Variants in AFF1 observed in about 807,000 individuals in gnomAD.
AFF1 encodes ALF transcription elongation factor 1.
A neutral mutation model predicts 121.7 loss-of-function variants in AFF1; 48 were observed. The ratio of observed to expected loss-of-function variants is 0.39; its 90% CI spans 0.31 to 0.50. AFF1 has a LOEUF of 0.50. Among genes scored for constraint, AFF1 ranks in the 20% least tolerant of loss-of-function variants. AFF1 has a pLI of 0.76. For missense variants in AFF1, 1,523 were observed against 1,511.7 expected, an observed-to-expected ratio of 1.01 and a Z score of -0.12; for synonymous variants, 613 against 563.0, an observed-to-expected ratio of 1.09 and a Z score of -1.26.
At chr4:87,126,466 T>C (rs1728259577) in intron 14 of AFF1, 130 bp downstream of exon 14, 11 of 805,362 alleles carry the variant, frequency 1.4e-5, no homozygotes, top group Non-Finnish European at 1.6e-5. Context: ...ACTGTTTGTG[T>C]TTAAAATGCT....
chr4:86,996,112 G>T (rs1292174033), intron 2 of AFF1, among the ~76,000 whole-genome samples: 1 of 150,180 alleles, frequency 6.7e-6, no homozygotes, highest in Non-Finnish European at 1.5e-5. Context: ...GGGGGGTCAG[G>T]CCCCCGCCCG....
rs575902660 is a variant in AFF1 at position 87,059,019 on chromosome 4, G to A, written c.1059+11425G>A. Among the ~76,000 whole-genome samples the A allele has an allele frequency of 1.7e-3, 262 of 152,212 alleles. 1 individual carries two copies. Among genetic ancestry groups the A allele is most frequent in the Non-Finnish European group, 3.2e-3 (220 of 68,006 alleles). ...TGTCTGGGTTTTCTTCTACCTTTTT[G>A]TACGTGCCTTAATCTCCTTTGGAGG... On this transcript the variant is annotated intron_variant, in intron 4 of 20. Transcript: ENST00000395146.
chr4:86,942,068 A>G (rs1404973515), intron 1 of AFF1, among the ~76,000 whole-genome samples: 1 of 152,184 alleles, frequency 6.6e-6, no homozygotes, highest in Non-Finnish European at 1.5e-5. Context: ...TAAGTGCTAC[A>G]TAAATGTTTG....
At chr4:87,132,462 A>G in intron 19 of AFF1, 54 bp downstream of exon 19, 1 of 1,537,460 alleles carries the variant, frequency 6.5e-7, no homozygotes, top group South Asian at 1.3e-5. Context: ...TTCTTTATTT[A>G]CTTCTTGCTT....
chr4:86,992,730 ACT>A (rs1724823821), intron 2 of AFF1, among the ~76,000 whole-genome samples: 2 of 152,072 alleles, frequency 1.3e-5, no homozygotes, highest in Non-Finnish European at 1.5e-5. Flanking sequence ...AACCTGAAAA[ACT>A]CTGTTGCTAT....
chr4:87,026,803 C>A (rs1247281766), intron 2 of AFF1, among the ~76,000 whole-genome samples: 2 of 152,078 alleles, frequency 1.3e-5, no homozygotes, highest in African/African-American at 4.8e-5. Flanking sequence ...ATGTAAAATG[C>A]TTTTCTAAAA....
chr4:86,963,302 A>G (rs1722281976), intron 2 of AFF1, among the ~76,000 whole-genome samples: 1 of 152,054 alleles, frequency 6.6e-6, no homozygotes, highest in Admixed American at 6.6e-5. Flanking sequence ...TTGATCTTGA[A>G]TGGAAGTTCT....
intron 1 of AFF1, among the ~76,000 whole-genome samples, chr4:86,947,413 A>G (rs949471184): frequency 6.6e-6 from 1 of 152,214 alleles, no homozygotes; most frequent in Non-Finnish European, 1.5e-5. Context: ...AGAGCTGTGA[A>G]GGACTATATT....
intron 2 of AFF1, among the ~76,000 whole-genome samples, chr4:86,976,892 AATG>A (rs1254194961): frequency 2.6e-5 from 4 of 152,206 alleles, no homozygotes; most frequent in Non-Finnish European, 4.4e-5. Context: ...GTAACACTGA[AATG>A]ATGATAGCAC....
chr4:86,958,708 A>ACT (rs1254151751), intron 2 of AFF1, among the ~76,000 whole-genome samples: 2 of 151,948 alleles, frequency 1.3e-5, no homozygotes, highest in African/African-American at 2.4e-5. Flanking sequence ...ACAGAGTAAG[A>ACT]CTCTCTCAAA....
intron 5 of AFF1, among the ~76,000 whole-genome samples, chr4:87,084,620 G>C (rs1236869635): frequency 6.6e-6 from 1 of 151,682 alleles, no homozygotes; most frequent in Non-Finnish European, 1.5e-5. Flanking sequence ...AAGAACAGTT[G>C]TTGTTCCCAA....
Position 86,971,458 on chromosome 4 carries a change from C to T in AFF1, c.38+22887C>T, listed in dbSNP as rs1484080698. On this transcript the variant is annotated intron_variant, in intron 2 of 20. Coordinates refer to ENST00000395146, the MANE Select transcript of AFF1 (RefSeq NM_001166693.3). ...TTCCATAACAAGGTGGGAATGCACC[C>T]ATACATTTGGTCCTTGTGTTGCTAG... Among the ~76,000 whole-genome samples the T allele has an allele frequency of 2.6e-5, 4 of 152,120 alleles. No homozygotes were observed. The East Asian group carries it at 7.7e-4, about 29-fold the overall frequency.
intron 5 of AFF1, among the ~76,000 whole-genome samples, chr4:87,085,336 G>A (rs1560609924): frequency 6.6e-6 from 1 of 151,878 alleles, no homozygotes; most frequent in African/African-American, 2.4e-5. Flanking sequence ...AAAACTGAGG[G>A]TTTTGTGTAT....
At chr4:87,131,974 T>C in intron 18 of AFF1, 110 bp downstream of exon 18, 1 of 1,028,852 alleles carries the variant, frequency 9.7e-7, no homozygotes, top group Non-Finnish European at 1.4e-6. Context: ...GAAAAGCAAG[T>C]CAGTACTTTG....
rs879230547 is a variant in AFF1 at position 87,138,024 on chromosome 4, GT to G, written c.*2324del. 9.6e-6 allele frequency: 2 copies of G among 207,956 alleles called. No individual in the cohort carries two copies. The highest frequency in any genetic ancestry group is 4.2e-4 in the South Asian group (2 of 4,708). 12.9% of individuals were successfully genotyped at this position (207,956 alleles called of 1,614,324 possible). ...TGCTTTTTCAGTGGCCTTACTCTTT[GT>G]GGGTTTTTTTTTTTTTCTCTGAACT... On this transcript the variant is annotated 3_prime_UTR_variant, in exon 21 of 21. Transcript: ENST00000395146.
chr4:86,944,713 C>T (rs574491283), intron 1 of AFF1, among the ~76,000 whole-genome samples: 1 of 152,246 alleles, frequency 6.6e-6, no homozygotes, highest in East Asian at 1.9e-4. Context: ...AGTAGGTTCC[C>T]CAGAGTGTAC....
At chr4:86,995,680 A>G (rs1210736805) in intron 2 of AFF1, among the ~76,000 whole-genome samples, 6 of 150,154 alleles carry the variant, frequency 4.0e-5, no homozygotes, top group African/African-American at 7.3e-5. Context: ...ACCTCCCAGC[A>G]GCCTGCCTTG....
intron 8 of AFF1, among the ~76,000 whole-genome samples, chr4:87,104,101 C>G (rs1010078373): frequency 7.9e-5 from 12 of 152,144 alleles, no homozygotes; most frequent in Non-Finnish European, 1.5e-4. Flanking sequence ...GCTATATTTT[C>G]TAGCCTTGAA....
intron 12 of AFF1, among the ~76,000 whole-genome samples, chr4:87,122,304 C>A (rs1258429819): frequency 2.0e-5 from 3 of 152,208 alleles, no homozygotes; most frequent in Non-Finnish European, 2.9e-5. Flanking sequence ...AAGAGAGTTA[C>A]CAGTACCAGA....
Sources: allele counts gnomAD v4.1 joint callset (sites outside exome capture counted in the v4.1 genomes callset), GRCh38; gene constraint gnomAD v4.1.1; transcripts MANE v1.5; gene names NCBI Gene and HGNC (gene_info 2026-07-23, HGNC 2026-07-21).